The following TAFA2 variants were observed in gnomAD, a reference collection of about 807,000 sequenced individuals.
TAFA2 encodes TAFA chemokine like family member 2, also known as chemokine-like protein TAFA-2.
In TAFA2, 7 loss-of-function variants were observed where a neutral mutation model predicts 18.8. That is an observed-to-expected ratio of 0.37 (90% CI 0.21 to 0.70). TAFA2 has a LOEUF of 0.70. Among genes scored for constraint, TAFA2 ranks in the 30% least tolerant of loss-of-function variants. The probability of loss-of-function intolerance (pLI) is 0.53; values close to 1 mark genes in which losing one functional copy is unlikely to be tolerated. For synonymous variants in TAFA2, 60 were observed against 54.2 expected (o/e 1.11, Z -0.47); for missense variants, 122 against 158.1 (o/e 0.77, Z 1.23).
chr12:61,856,496 G>A (rs903738362), intron 2 of TAFA2, among the ~76,000 whole-genome samples: 17 of 151,806 alleles, frequency 1.1e-4, no homozygotes, highest in African/African-American at 3.6e-4. Context: ...TGTTGGTAAG[G>A]GCTTATAAAT....
intron 1 of TAFA2, among the ~76,000 whole-genome samples, chr12:62,153,445 T>C (rs2062343593): frequency 6.6e-6 from 1 of 152,076 alleles, no homozygotes; most frequent in Non-Finnish European, 1.5e-5. Flanking sequence ...GGAGGATCAC[T>C]TGAAGCTAGG....
chr12:62,044,074 C>T (rs1171091085), intron 1 of TAFA2, among the ~76,000 whole-genome samples: 1 of 151,976 alleles, frequency 6.6e-6, no homozygotes, highest in African/African-American at 2.4e-5. Context: ...GCAATGCATA[C>T]TTTCAGACAT....
At position 62,043,965 on chromosome 12, in the gene TAFA2, ACT is replaced by A. The variant is rs745779416; in HGVS notation, c.-2+147292_-2+147293del. On this transcript the variant is annotated intron_variant, in intron 1 of 4. Coordinates refer to ENST00000416284, the MANE Select transcript of TAFA2 (RefSeq NM_178539.5). ...AGTTACAAGTGGCACTTGTTCTAAC[ACT>A]CTAAAGCAAATATAATCCCCTTCAA... is the stretch of plus-strand genomic sequence containing the variant. 2.0e-3 allele frequency among the ~76,000 whole-genome samples: 305 copies of A among 152,244 alleles called. 1 individual carries two copies. Among genetic ancestry groups the A allele is most frequent in the Admixed American group, 3.6e-3 (55 of 15,280 alleles).
At chr12:61,957,755 G>A (rs1268286539) in intron 1 of TAFA2, among the ~76,000 whole-genome samples, 2 of 152,074 alleles carry the variant, frequency 1.3e-5, no homozygotes, top group African/African-American at 2.4e-5. Context: ...ATGTTGCATG[G>A]TTTTGAAAAA....
chr12:62,259,515 T>C (rs2062972612), upstream of TAFA2: 2 of 152,294 alleles, frequency 1.3e-5, no homozygotes, highest in South Asian at 2.1e-4. Flanking sequence ...ATTTGATTTT[T>C]AAGCGACTCG....
At chr12:62,221,216 G>GGGAAGGAGGGAAGGAAGGAAGGGA (rs1565782383) in intron 1 of TAFA2, among the ~76,000 whole-genome samples, 1 of 78,820 alleles carries the variant, frequency 1.3e-5, no homozygotes, top group African/African-American at 4.7e-5. Context: ...GAAGGAAGGG[G>GGGAAGGAGGGAAGGAAGGAAGGGA]GGAAGGAAGG....
chr12:62,012,082 A>G (rs984601061), intron 1 of TAFA2, among the ~76,000 whole-genome samples: 2 of 152,212 alleles, frequency 1.3e-5, no homozygotes, highest in African/African-American at 2.4e-5. Context: ...CATTACTGCT[A>G]GAATCTGTAG....
chr12:61,919,933 T>C (rs1876982804), intron 1 of TAFA2, among the ~76,000 whole-genome samples: 3 of 152,170 alleles, frequency 2.0e-5, no homozygotes, highest in Admixed American at 1.3e-4. Context: ...CAGTATAATA[T>C]CTTAAATTTT....
At chr12:62,101,681 A>G (rs561959580) in intron 1 of TAFA2, among the ~76,000 whole-genome samples, 8 of 152,272 alleles carry the variant, frequency 5.3e-5, no homozygotes, top group African/African-American at 1.9e-4. Flanking sequence ...GGAATGGACC[A>G]TTTCTGGAGT....
intron 1 of TAFA2, among the ~76,000 whole-genome samples, chr12:62,164,617 C>T (rs75280905): frequency 0.022 from 3,396 of 152,112 alleles, 144 homozygotes; most frequent in African/African-American, 0.076. Flanking sequence ...CAAACCTGTA[C>T]GTGTACCTGT....
intron 1 of TAFA2, among the ~76,000 whole-genome samples, chr12:61,936,818 G>A (rs1445846819): frequency 6.6e-6 from 1 of 152,026 alleles, no homozygotes; most frequent in Non-Finnish European, 1.5e-5. Context: ...CCTAGCCAGA[G>A]CAACCATGCA....
At chr12:61,768,069 T>C (rs1235237813) in intron 2 of TAFA2, among the ~76,000 whole-genome samples, 2 of 152,128 alleles carry the variant, frequency 1.3e-5, no homozygotes, top group African/African-American at 4.8e-5. Context: ...GATCACTGCC[T>C]AGTCATTCAC....
chr12:61,915,359 T>G (rs983506200), intron 1 of TAFA2, among the ~76,000 whole-genome samples: 1 of 152,222 alleles, frequency 6.6e-6, no homozygotes, highest in Non-Finnish European at 1.5e-5. Flanking sequence ...AGAAATCCTT[T>G]GATGACAAGG....
chr12:61,717,155 G>C (rs1869696426), intron 4 of TAFA2, among the ~76,000 whole-genome samples: 1 of 152,038 alleles, frequency 6.6e-6, no homozygotes, highest in Non-Finnish European at 1.5e-5. Context: ...TGCAGTAGCA[G>C]GTTTTCTCAT....
At position 61,845,767 on chromosome 12, in the gene TAFA2, T is replaced by C. The variant is rs148280104; in HGVS notation, c.106+21553A>G. On this transcript the variant is annotated intron_variant, in intron 2 of 4. Coordinates refer to ENST00000416284, the MANE Select transcript of TAFA2 (RefSeq NM_178539.5). ...TCTAGAGGCATAAGCAATTATTTGA[T>C]AACTCCAAAGTCTAAAGTGTTTTGT... Among the ~76,000 whole-genome samples the C allele has an allele frequency of 6.6e-5, 10 of 152,290 alleles. No homozygotes were observed. In the East Asian group the frequency reaches 1.9e-3, roughly 29 times the overall value.
Position 62,015,657 on chromosome 12 carries a change from A to G in TAFA2, c.-1-148231T>C, listed in dbSNP as rs112672526. On this transcript the variant is annotated intron_variant, in intron 1 of 4. Coordinates refer to ENST00000416284, the MANE Select transcript of TAFA2 (RefSeq NM_178539.5). ...TGATAATGAAATTTAAGAGGTTACT[A>G]TATAGAGAAGCAAAGTACACTATTT... Among the ~76,000 whole-genome samples, 544 of 152,376 alleles carry G rather than the reference A, an allele frequency of 3.6e-3. 1 individual carries two copies. The highest frequency in any genetic ancestry group is 0.012 in the African/African-American group (512 of 41,590).
intron 1 of TAFA2, among the ~76,000 whole-genome samples, chr12:62,128,550 C>T (rs1592353611): frequency 1.3e-5 from 2 of 152,076 alleles, no homozygotes; most frequent in Middle Eastern, 3.4e-3. Flanking sequence ...CCTTTTACCA[C>T]GTATATCTCC....
At chr12:61,747,489 G>T (rs1592362326) in intron 4 of TAFA2, among the ~76,000 whole-genome samples, 1 of 147,212 alleles carries the variant, frequency 6.8e-6, no homozygotes, top group East Asian at 2.0e-4. Context: ...TGATAGACTG[G>T]ATTAAGAAAA....
At position 61,878,158 on chromosome 12, in the gene TAFA2, TAG is replaced by T. The variant is rs142582563; in HGVS notation, c.-1-10734_-1-10733del. On this transcript the variant is annotated intron_variant, in intron 1 of 4. Coordinates refer to ENST00000416284, the MANE Select transcript of TAFA2 (RefSeq NM_178539.5). The stretch of plus-strand genomic sequence containing the variant: ...ACCAGGAGCTGAAGGGAGGGAGAAA[TAG>T]AGAGTTACTATTTAATGAATATGGA... 9.2e-3 allele frequency: 4,129 copies of T among 449,116 alleles called. 101 individuals carry two copies. Among genetic ancestry groups the T allele is most frequent in the East Asian group, 0.073 (1,048 of 14,316 alleles). The allele number at this position is 449,116 out of a possible 1,614,324, so 27.8% of individuals were successfully genotyped here.
Sources: gnomAD v4.1 joint callset for allele counts (sites outside exome capture counted in the v4.1 genomes callset) on GRCh38, gnomAD v4.1.1 for gene constraint, MANE v1.5 for transcripts, NCBI Gene and HGNC (gene_info 2026-07-23, HGNC 2026-07-21) for gene names.